Variants in EEF1G observed in about 807,000 individuals in gnomAD.
The protein encoded by EEF1G is eukaryotic translation elongation factor 1 gamma, also known as elongation factor 1-gamma.
EEF1G carries 14 observed loss-of-function variants against 58.3 expected under a neutral mutation model. That is an observed-to-expected ratio of 0.24 (90% CI 0.16 to 0.38). EEF1G has a LOEUF of 0.38. Ranked by LOEUF, EEF1G falls within the 10% of genes least tolerant of loss-of-function variation. The probability of loss-of-function intolerance (pLI) is 1.00; values close to 1 mark genes in which losing one functional copy is unlikely to be tolerated. For missense variants in EEF1G, 322 were observed against 550.1 expected, an observed-to-expected ratio of 0.59 and a Z score of 4.15; for synonymous variants, 180 against 206.8, an observed-to-expected ratio of 0.87 and a Z score of 1.11.
rs569411182 is a variant in EEF1G, at chr11:62,562,105, A to T, written c.858-1651T>A. Reference sequence around the variant, plus strand: ...TATAATGAAGGATTTAGAGCCCTGCACCTGGTACGGTTGCTTTTTGTAACC... The same window carrying T: ...TATAATGAAGGATTTAGAGCCCTGCTCCTGGTACGGTTGCTTTTTGTAACC... On this transcript the variant is annotated intron_variant, in intron 7 of 9. Transcript: ENST00000329251. 9.8e-5 allele frequency among the ~76,000 whole-genome samples: 15 copies of T among 152,330 alleles called. No individual in the cohort carries two copies. In the South Asian group the frequency reaches 2.7e-3, roughly 27 times the overall value.
rs1941500212 is a variant in EEF1G, at chr11:62,561,785, CTGTT to C, written c.858-1335_858-1332del. Among the ~76,000 whole-genome samples, 3 of 152,164 alleles carry C rather than the reference CTGTT, an allele frequency of 2.0e-5. No individual in the cohort carries two copies. In the South Asian group the frequency reaches 6.2e-4, roughly 32 times the overall value. On this transcript the variant is annotated intron_variant, in intron 7 of 9. Coordinates refer to ENST00000329251, the MANE Select transcript of EEF1G (RefSeq NM_001404.5). ...TCTAACTCACTACTTTGAATCTTCCCTGTTTGTCTCTTTAACCACCTAGCCTTGC... is the reference window on the plus strand; with the variant it reads ...TCTAACTCACTACTTTGAATCTTCCCTGTCTCTTTAACCACCTAGCCTTGC...
chr11:62,572,739 G>T lies in EEF1G; in HGVS notation c.16C>A (p.Leu6Met), dbSNP rs1941650067. 3 of 1,606,584 alleles carry T rather than the reference G, an allele frequency of 1.9e-6. No individual in the cohort carries two copies. In the East Asian group the frequency reaches 6.7e-5, roughly 36 times the overall value. The change falls in exon 2 of 10, where the codon CTG (leucine) becomes ATG (methionine). Residue 6 changes from leucine (L) to methionine (M), a missense_variant. By Grantham distance (15) the Leu-to-Met change is conservative. This residue lies in a region of EEF1G where 62 missense variants were observed against 87.0 expected (regional missense o/e 0.71). Transcript: ENST00000329251. ...CTCCAGTTTTCAGGATACGTGTACA[G>T]GGTCTATGGGAGAAAGAGAGGGACA... Reference protein sequence around the residue: MAAGTLYTYPENWRAF... With the variant: MAAGTMYTYPENWRAF...
intron 5 of EEF1G, among the ~76,000 whole-genome samples, chr11:62,570,135 C>A (rs560839064): frequency 2.6e-5 from 4 of 151,468 alleles, no homozygotes; most frequent in African/African-American, 9.7e-5. Context: ...GATCTTGGCT[C>A]ACTGCTACCT....
At chr11:62,560,559 G>A (rs1374531911) in intron 7 of EEF1G, 105 bp from the exon 8 acceptor site, 2 of 1,318,468 alleles carry the variant, frequency 1.5e-6, no homozygotes, top group Admixed American at 4.2e-5. Flanking sequence ...AAAGGAAATG[G>A]TCATTGTGCT....
chr11:62,571,403 G>A lies in EEF1G; in HGVS notation c.378+137C>T, dbSNP rs879823940. ...ATCAACTGCCCACTGCTTCAAACTC[G>A]TACCCTAGAGATTACGTCTTCTCAT... On this transcript the variant is annotated intron_variant, in intron 4 of 9. Transcript: ENST00000329251. 1,173 of 1,352,538 alleles carry A rather than the reference G, an allele frequency of 8.7e-4. 1 individual carries two copies. The highest frequency in any genetic ancestry group is 1.1e-3 in the Non-Finnish European group (1,083 of 1,006,250). The allele number at this position is 1,352,538 out of a possible 1,614,324, so 83.8% of individuals were successfully genotyped here.
chr11:62,561,688 A>AAAAAC, intron 7 of EEF1G, among the ~76,000 whole-genome samples: 1 of 140,518 alleles, frequency 7.1e-6, no homozygotes, highest in Non-Finnish European at 1.6e-5. Flanking sequence ...AAAACAAAAA[A>AAAAAC]AAAAAAAACA....
At chr11:62,568,345 G>A (rs1444383126) in intron 5 of EEF1G, among the ~76,000 whole-genome samples, 2 of 138,516 alleles carry the variant, frequency 1.4e-5, no homozygotes, top group African/African-American at 2.7e-5. Flanking sequence ...CCGAGATCAC[G>A]CCACTGCACT....
chr11:62,560,201 G>T lies in EEF1G; in HGVS notation c.1031-8C>A. On this transcript the variant is annotated splice_polypyrimidine_tract_variant and splice_region_variant and intron_variant, in intron 8 of 9. Transcript: ENST00000329251. ...CCAGTCGCTGGAACATTCCTGAAGC[G>T]GCAAGGGAGAACATTCAGCCTTTGG... 1 of 1,613,956 alleles carries T rather than the reference G, an allele frequency of 6.2e-7. No individual in the cohort carries two copies. The highest frequency in any genetic ancestry group is 1.1e-5 in the South Asian group (1 of 91,072).
intron 2 of EEF1G, 61 bp from the exon 3 acceptor site, chr11:62,571,962 C>T (rs1440260153): frequency 1.4e-6 from 2 of 1,437,468 alleles, no homozygotes; most frequent in African/African-American, 2.8e-5. Context: ...TAACCAATAC[C>T]AGGAGCCAAA....
At position 62,568,664 on chromosome 11, in the gene EEF1G, T is replaced by C. The variant is rs190125604; in HGVS notation, c.523-1136A>G. 7.8e-4 allele frequency among the ~76,000 whole-genome samples: 119 copies of C among 152,182 alleles called. 1 individual carries two copies. The highest frequency in any genetic ancestry group is 2.9e-3 in the South Asian group (14 of 4,816). ...TTACAAAACTATTTCAGATCTACTG[T>C]TTCCAATCTTTTAAATTTCAAACGT... On this transcript the variant is annotated intron_variant, in intron 5 of 9. Coordinates refer to ENST00000329251, the MANE Select transcript of EEF1G (RefSeq NM_001404.5).
chr11:62,571,244 C>T (rs1941627214), intron 4 of EEF1G, 136 bp from the exon 5 acceptor site: 1 of 1,371,748 alleles, frequency 7.3e-7, no homozygotes, highest in Non-Finnish European at 1.0e-6. Flanking sequence ...GGAGGCAGAT[C>T]CTAGGGTCAT....
At chr11:62,568,442 C>T (rs1283424756) in intron 5 of EEF1G, among the ~76,000 whole-genome samples, 1 of 151,202 alleles carries the variant, frequency 6.6e-6, no homozygotes, top group Non-Finnish European at 1.5e-5. Context: ...CACTATGTTG[C>T]CCAGGCTTAT....
intron 7 of EEF1G, among the ~76,000 whole-genome samples, chr11:62,565,300 C>G (rs577082031): frequency 6.6e-6 from 1 of 151,808 alleles, no homozygotes; most frequent in South Asian, 2.1e-4. Context: ...GTGGGAGGAT[C>G]GCTTGAGTAC....
chr11:62,562,298 AGCCGTCTCTTGGTT>A (rs1463126637), intron 7 of EEF1G, among the ~76,000 whole-genome samples: 1 of 152,278 alleles, frequency 6.6e-6, no homozygotes, highest in African/African-American at 2.4e-5. Flanking sequence ...TTTGAGCGTT[AGCCGTCTCTTGGTT>A]GCCGGCTAAT....
At chr11:62,573,114 TCCGA>T in intron 1 of EEF1G, 1 of 165,644 alleles carries the variant, frequency 6.0e-6, no homozygotes, top group South Asian at 1.7e-4. Context: ...CATTGATGGT[TCCGA>T]GCGCCTGCCT....
At chr11:62,567,660 A>G (rs536438273) in intron 5 of EEF1G, 132 bp from the exon 6 acceptor site, 2 of 856,662 alleles carry the variant, frequency 2.3e-6, no homozygotes, top group South Asian at 5.6e-5. Context: ...ATAGCTTCAT[A>G]CAACATCATC....
chr11:62,564,735 G>A (rs1323431862), intron 7 of EEF1G, among the ~76,000 whole-genome samples: 3 of 129,780 alleles, frequency 2.3e-5, no homozygotes, highest in Non-Finnish European at 3.1e-5. Flanking sequence ...TCCCAGCCTG[G>A]GCGACAGAGC....
At chr11:62,559,887 A>G in intron 9 of EEF1G, 50 bp from the exon 10 acceptor site, 1 of 1,612,992 alleles carries the variant, frequency 6.2e-7, no homozygotes, top group Non-Finnish European at 8.5e-7. Flanking sequence ...ACCACCCCAC[A>G]CCTGTGTTAC....
chr11:62,570,275 T>C (rs1361738624), intron 5 of EEF1G, among the ~76,000 whole-genome samples: 2 of 152,088 alleles, frequency 1.3e-5, no homozygotes, highest in African/African-American at 4.8e-5. Context: ...CTGGCCAGGA[T>C]GGTCTCGAAC....
Sources: gnomAD v4.1 joint callset for allele counts (sites outside exome capture counted in the v4.1 genomes callset) on GRCh38, gnomAD v4.1.1 for gene constraint, gnomAD v4.1.1 regional missense constraint, MANE v1.5 for transcripts, NCBI Gene and HGNC (gene_info 2026-07-23, HGNC 2026-07-21) for gene names.